The following SLC14A2 variants were observed in gnomAD, a reference collection of about 807,000 sequenced individuals.
SLC14A2 encodes the protein solute carrier family 14 member 2, also known as urea transporter 2.
Under a neutral mutation model 104.6 loss-of-function variants are expected in SLC14A2, and 91 were observed. The ratio of observed to expected loss-of-function variants is 0.87; its 90% CI spans 0.73 to 1.04. SLC14A2 has a LOEUF of 1.04. Among genes scored for constraint, SLC14A2 ranks in the 50% least tolerant of loss-of-function variants. The pLI is 0.00. For missense variants in SLC14A2, 1,189 were observed against 1,156.0 expected (o/e 1.03, Z -0.41); for synonymous variants, 476 against 466.4 (o/e 1.02, Z -0.27).
chr18:45,511,101 T>TC (rs2043359990), intron 2 of SLC14A2, among the ~76,000 whole-genome samples: 1 of 151,672 alleles, frequency 6.6e-6, no homozygotes, highest in Admixed American at 6.6e-5. Context: ...ATTGTTGTTT[T>TC]TTTTTCTTTT....
chr18:45,420,438 A>T lies in SLC14A2; in HGVS notation c.-124-62795A>T, dbSNP rs911923743. 4.6e-5 allele frequency among the ~76,000 whole-genome samples: 7 copies of T among 152,228 alleles called. No homozygotes were observed. In the East Asian group the frequency reaches 1.4e-3, roughly 29 times the overall value. ...TAAAGATCCACAGATCCACACGAGG[A>T]TGGTGTGGGAAGGGGGCATGTCTTG... On this transcript the variant is annotated intron_variant, in intron 1 of 20. Transcript: ENST00000586448.
intron 1 of SLC14A2, among the ~76,000 whole-genome samples, chr18:45,272,199 C>G (rs1181388947): frequency 6.6e-6 from 1 of 151,966 alleles, no homozygotes; most frequent in Non-Finnish European, 1.5e-5. Context: ...CCTCAAAAAA[C>G]TGAAAATTCA....
At chr18:45,359,801 G>A (rs979515368) in intron 1 of SLC14A2, among the ~76,000 whole-genome samples, 2 of 152,168 alleles carry the variant, frequency 1.3e-5, no homozygotes, top group African/African-American at 2.4e-5. Context: ...GGCATGGCAC[G>A]GGTCTGCTGC....
At chr18:45,481,292 A>G (rs1177766786) in intron 1 of SLC14A2, among the ~76,000 whole-genome samples, 2 of 152,050 alleles carry the variant, frequency 1.3e-5, no homozygotes, top group African/African-American at 2.4e-5. Context: ...ATTTATGGCA[A>G]TGACTTCAGG....
At chr18:45,626,656 C>A (rs574252324) in intron 3 of SLC14A2, among the ~76,000 whole-genome samples, 1 of 151,588 alleles carries the variant, frequency 6.6e-6, no homozygotes, top group African/African-American at 2.4e-5. Flanking sequence ...GGAATGCTCC[C>A]GGGGCTTCTT....
chr18:45,458,949 C>G (rs2086992702), intron 1 of SLC14A2, among the ~76,000 whole-genome samples: 2 of 152,144 alleles, frequency 1.3e-5, no homozygotes, highest in Non-Finnish European at 2.9e-5. Flanking sequence ...GTAAAAATGA[C>G]AGTAAAATAG....
intron 1 of SLC14A2, among the ~76,000 whole-genome samples, chr18:45,396,634 T>G (rs1231660874): frequency 9.9e-5 from 11 of 111,414 alleles, no homozygotes; most frequent in Non-Finnish European, 1.7e-5. Context: ...TTTGTTTTTG[T>G]TTTTTTTCTT....
At chr18:45,539,166 T>C (rs1030261776) in intron 2 of SLC14A2, among the ~76,000 whole-genome samples, 47 of 12,256 alleles carry the variant, frequency 3.8e-3, no homozygotes, top group Non-Finnish European at 7.4e-3. Flanking sequence ...CAATGGACTC[T>C]AGGTGGATGC....
At chr18:45,565,147 CAG>C (rs1285131919) in intron 2 of SLC14A2, among the ~76,000 whole-genome samples, 1 of 146,792 alleles carries the variant, frequency 6.8e-6, no homozygotes, top group African/African-American at 2.6e-5. Context: ...TTTTTTGAGA[CAG>C]AGTCTTGCTC....
At chr18:45,206,792 T>C in the SLC14A2 span, among the ~76,000 whole-genome samples, 1 of 152,200 alleles carries the variant, frequency 6.6e-6, no homozygotes, top group Non-Finnish European at 1.5e-5. Flanking sequence ...GAGCTAAGGA[T>C]ACCTACAGGG....
intron 1 of SLC14A2, among the ~76,000 whole-genome samples, chr18:45,471,788 T>C (rs1458871317): frequency 6.6e-6 from 1 of 152,136 alleles, no homozygotes; most frequent in African/African-American, 2.4e-5. Flanking sequence ...GCTCTTTCAG[T>C]TGTCTGGACA....
chr18:45,313,429 C>G (rs2085098700), intron 1 of SLC14A2, among the ~76,000 whole-genome samples: 1 of 152,192 alleles, frequency 6.6e-6, no homozygotes, highest in Non-Finnish European at 1.5e-5. Context: ...AGGCCTCAAA[C>G]TCACAAAGAC....
chr18:45,561,121 C>A (rs910902844), intron 2 of SLC14A2, among the ~76,000 whole-genome samples: 1 of 152,046 alleles, frequency 6.6e-6, no homozygotes, highest in Non-Finnish European at 1.5e-5. Flanking sequence ...GAGGGATGAG[C>A]CACGGGAGGC....
At chr18:45,188,808 A>C in the SLC14A2 span, among the ~76,000 whole-genome samples, 1 of 152,316 alleles carries the variant, frequency 6.6e-6, no homozygotes, top group East Asian at 1.9e-4. Flanking sequence ...ATTAAGTATG[A>C]GACAAAAGTC....
intron 1 of SLC14A2, among the ~76,000 whole-genome samples, chr18:45,439,443 G>A (rs2086648566): frequency 9.5e-6 from 1 of 104,778 alleles, no homozygotes; most frequent in African/African-American, 3.2e-5. Flanking sequence ...TATATATTCT[G>A]ATTTTTTTTT....
At chr18:45,394,909 G>A (rs1274291711) in intron 1 of SLC14A2, among the ~76,000 whole-genome samples, 1 of 152,102 alleles carries the variant, frequency 6.6e-6, no homozygotes, top group Non-Finnish European at 1.5e-5. Context: ...AAATCAGTAT[G>A]CAGGCTCCTC....
intron 2 of SLC14A2, among the ~76,000 whole-genome samples, chr18:45,504,079 A>T (rs2144769809): frequency 6.6e-6 from 1 of 152,318 alleles, no homozygotes; most frequent in South Asian, 2.1e-4. Context: ...GAAGGGAAGG[A>T]GGAGGGAATC....
intron 1 of SLC14A2, among the ~76,000 whole-genome samples, chr18:45,403,597 C>T (rs1410416257): frequency 6.6e-6 from 1 of 152,030 alleles, no homozygotes; most frequent in Admixed American, 6.6e-5. Flanking sequence ...ACAGATGGAG[C>T]ATGGCAACAG....
At chr18:45,270,201 C>G (rs982202750) in intron 1 of SLC14A2, among the ~76,000 whole-genome samples, 2 of 152,156 alleles carry the variant, frequency 1.3e-5, no homozygotes, top group Non-Finnish European at 2.9e-5. Context: ...TAGCAAGCAG[C>G]TACTCACTAA....
Sources: gnomAD v4.1 joint callset for allele counts (sites outside exome capture counted in the v4.1 genomes callset) on GRCh38, gnomAD v4.1.1 for gene constraint, MANE v1.5 for transcripts, NCBI Gene and HGNC (gene_info 2026-07-23, HGNC 2026-07-21) for gene names.